The following TSHR variants were observed in gnomAD, a reference collection of about 807,000 sequenced individuals.
TSHR encodes thyrotropin receptor.
Under a neutral mutation model 64.1 loss-of-function variants are expected in TSHR, and 51 were observed. The ratio of observed to expected loss-of-function variants is 0.80; its 90% CI spans 0.64 to 1.01. The LOEUF is 1.01. TSHR is among the 50% of genes least tolerant of loss of function. The probability of loss-of-function intolerance (pLI) is 0.00; values close to 1 mark genes in which losing one functional copy is unlikely to be tolerated. For missense variants in TSHR, 877 were observed against 942.8 expected (o/e 0.93, Z 0.91); for synonymous variants, 361 against 361.9 (o/e 1.00, Z 0.03).
chr14:81,125,003 T>A (rs995250098), intron 8 of TSHR, among the ~76,000 whole-genome samples: 9 of 152,176 alleles, frequency 5.9e-5, no homozygotes, highest in African/African-American at 1.9e-4. Flanking sequence ...TCCACAGCCA[T>A]TTTACTAAGC....
At chr14:81,109,322 T>C (rs1208420013) in intron 8 of TSHR, among the ~76,000 whole-genome samples, 3 of 151,416 alleles carry the variant, frequency 2.0e-5, no homozygotes, top group Non-Finnish European at 2.9e-5. Flanking sequence ...GGCAGGAGAA[T>C]GGCATGAACC....
intron 8 of TSHR, among the ~76,000 whole-genome samples, chr14:81,113,460 T>C (rs1890321331): frequency 1.3e-5 from 2 of 152,144 alleles, no homozygotes; most frequent in Admixed American, 1.3e-4. Context: ...TAGAGATATA[T>C]TTGAGACTCT....
At chr14:81,037,177 T>C (rs1594982930) in intron 1 of TSHR, among the ~76,000 whole-genome samples, 1 of 151,562 alleles carries the variant, frequency 6.6e-6, no homozygotes, top group Admixed American at 6.6e-5. Context: ...ATAAACAAAT[T>C]TGGGAGGTAG....
chr14:81,110,162 T>G (rs562332897), intron 8 of TSHR, among the ~76,000 whole-genome samples: 1 of 152,384 alleles, frequency 6.6e-6, no homozygotes, highest in South Asian at 2.1e-4. Context: ...AACTTGTTTT[T>G]AAATCTTTCA....
intron 1 of TSHR, among the ~76,000 whole-genome samples, chr14:80,957,466 CA>C (rs11305793): frequency 0.5 from 71,994 of 144,248 alleles, 18,310 homozygotes; most frequent in African/African-American, 0.67. Context: ...TCAGAAAAAA[CA>C]AAAAAAAAAA....
chr14:81,087,748 G>A (rs1383536500), intron 3 of TSHR: 2 of 622,788 alleles, frequency 3.2e-6, no homozygotes, highest in Non-Finnish European at 2.9e-6. Flanking sequence ...ATGCAAAAGA[G>A]CTGAGCAGCC....
intron 1 of TSHR, among the ~76,000 whole-genome samples, chr14:80,960,618 A>G (rs1335453149): frequency 6.6e-6 from 1 of 152,248 alleles, no homozygotes; most frequent in Non-Finnish European, 1.5e-5. Context: ...ATATAGAGAG[A>G]GGGAATATAT....
intron 1 of TSHR, among the ~76,000 whole-genome samples, chr14:80,988,402 T>G (rs1411916447): frequency 6.6e-6 from 1 of 151,996 alleles, no homozygotes; most frequent in Non-Finnish European, 1.5e-5. Context: ...GCCACACACT[T>G]TTAAATGACC....
Position 81,062,129 on chromosome 14 carries a change from G to T in TSHR, c.171-19G>T. 1 of 1,599,746 alleles carries T rather than the reference G, an allele frequency of 6.3e-7. No individual in the cohort carries two copies. On this transcript the variant is annotated intron_variant, in intron 1 of 9. Transcript: ENST00000298171. ...GCCCAATGATTAAAACTCTAATTATGTAACTGTTATTTTCACAGGAAGCTT... is the reference window on the plus strand; with the variant it reads ...GCCCAATGATTAAAACTCTAATTATTTAACTGTTATTTTCACAGGAAGCTT...
chr14:80,974,352 C>A (rs1887757182), intron 1 of TSHR, among the ~76,000 whole-genome samples: 1 of 152,122 alleles, frequency 6.6e-6, no homozygotes, highest in African/African-American at 2.4e-5. Flanking sequence ...TATTCATTCC[C>A]AGTAGGGTAA....
At chr14:81,070,625 CAAAAAAAAAAAAA>C (rs60958301) in intron 3 of TSHR, among the ~76,000 whole-genome samples, 2 of 15,808 alleles carry the variant, frequency 1.3e-4, no homozygotes, top group African/African-American at 1.9e-4. Flanking sequence ...GATTCCATCT[CAAAAAAAAAAAAA>C]AAAAAAAAAA....
At chr14:81,007,482 A>G (rs1221866496) in intron 1 of TSHR, among the ~76,000 whole-genome samples, 2 of 152,096 alleles carry the variant, frequency 1.3e-5, no homozygotes, top group African/African-American at 4.8e-5. Context: ...TCATTAATAG[A>G]CTGGGGTTAT....
chr14:81,021,220 G>A (rs965827807), intron 1 of TSHR, among the ~76,000 whole-genome samples: 1 of 152,066 alleles, frequency 6.6e-6, no homozygotes, highest in African/African-American at 2.4e-5. Context: ...GTACCAAAAA[G>A]GTTGGGAACC....
At chr14:81,040,561 A>G (rs1000264090) in intron 1 of TSHR, among the ~76,000 whole-genome samples, 1 of 152,156 alleles carries the variant, frequency 6.6e-6, no homozygotes, top group Admixed American at 6.5e-5. Context: ...CAAAGCATAC[A>G]TCTGATAAAG....
chr14:81,016,880 A>G (rs934273623), intron 1 of TSHR, among the ~76,000 whole-genome samples: 1 of 152,158 alleles, frequency 6.6e-6, no homozygotes, highest in African/African-American at 2.4e-5. Flanking sequence ...ACTTATTGAA[A>G]AGACTATCAA....
Position 81,103,667 on chromosome 14 carries a change from A to G in TSHR, c.615-4708A>G. 10 of 985,476 alleles carry G rather than the reference A, an allele frequency of 1.0e-5. No individual in the cohort carries two copies. Among genetic ancestry groups the G allele is most frequent in the Non-Finnish European group, 1.2e-5 (10 of 829,936 alleles). The allele number at this position is 985,476 out of a possible 1,614,324, so 61.0% of individuals were successfully genotyped here. A position where few individuals can be genotyped will look rare whatever the true frequency, so the allele number is the denominator to read the frequency against. ...TTGTCATCACTCAGAGGTGAAATTA[A>G]TAATAATACAAGCATCCCTTGCTCA... is the stretch of plus-strand genomic sequence containing the variant. On this transcript the variant is annotated intron_variant, in intron 7 of 9. Coordinates refer to ENST00000298171, the MANE Select transcript of TSHR (RefSeq NM_000369.5). The surrounding 1 kb of genome is among the most constrained non-coding windows in gnomAD (Gnocchi z 4.1).
chr14:81,014,275 G>A (rs1890065292), intron 1 of TSHR: 1 of 152,194 alleles, frequency 6.6e-6, no homozygotes, highest in Non-Finnish European at 1.5e-5. Flanking sequence ...CGAGAAACCA[G>A]ATGAGCTGAG....
At chr14:81,108,618 T>C in intron 8 of TSHR, 166 bp downstream of exon 8, 1 of 1,614,060 alleles carries the variant, frequency 6.2e-7, no homozygotes, top group Non-Finnish European at 8.5e-7. Context: ...ATAGGCTACC[T>C]CTTGGAAGAA....
intron 8 of TSHR, among the ~76,000 whole-genome samples, chr14:81,117,201 A>C (rs1368275124): frequency 1.9e-5 from 2 of 104,016 alleles, no homozygotes; most frequent in African/African-American, 4.8e-5. Flanking sequence ...ACTGAAGGAA[A>C]TAGAGACACA....
Sources: allele counts gnomAD v4.1 joint callset (sites outside exome capture counted in the v4.1 genomes callset), GRCh38; gene constraint gnomAD v4.1.1; non-coding constraint Gnocchi (gnomAD v3.1); transcripts MANE v1.5; gene names NCBI Gene and HGNC (gene_info 2026-07-23, HGNC 2026-07-21).